The following PUM3 variants were observed in gnomAD, a reference collection of about 807,000 sequenced individuals.
PUM3 encodes the protein pumilio RNA binding family member 3.
Under a neutral mutation model 84.0 loss-of-function variants are expected in PUM3, and 91 were observed. The ratio of observed to expected loss-of-function variants is 1.08; its 90% CI spans 0.91 to 1.29. PUM3 has a LOEUF of 1.29. Among genes scored for constraint, PUM3 ranks in the 50% most tolerant of loss-of-function variants. PUM3 has a pLI of 0.00. For synonymous variants in PUM3, 321 were observed against 266.7 expected (o/e 1.20, Z -1.98); for missense variants, 1,067 against 767.5 (o/e 1.39, Z -4.61).
intron 10 of PUM3, 140 bp downstream of exon 10, chr9:2,826,933 G>A (rs1476558956): frequency 9.1e-6 from 6 of 656,896 alleles, no homozygotes; most frequent in Non-Finnish European, 1.6e-5. Flanking sequence ...GTGTTCAAAG[G>A]GAGTTGAGTA....
At position 2,842,460 on chromosome 9, in the gene PUM3, G is replaced by T. The variant is rs56842769; in HGVS notation, c.-11+1585C>A. ...CACCCCACTCATCACCACCACACAG[G>T]AGCCACTATTCTTATCAGAATAGTG... is the stretch of plus-strand genomic sequence containing the variant. On this transcript the variant is annotated intron_variant, in intron 1 of 17. Transcript: ENST00000397885. 9.2e-5 allele frequency among the ~76,000 whole-genome samples: 14 copies of T among 152,210 alleles called. No individual in the cohort carries two copies. In the East Asian group the frequency reaches 2.7e-3, roughly 29 times the overall value.
chr9:2,810,485 A>G, intron 15 of PUM3, 54 bp from the exon 16 acceptor site: 24 of 1,202,194 alleles, frequency 2.0e-5, no homozygotes, highest in Middle Eastern at 2.3e-4. Context: ...TCATACAAAT[A>G]CATTTGAATG....
At chr9:2,808,626 C>G (rs1207284772) in intron 16 of PUM3, among the ~76,000 whole-genome samples, 1 of 152,112 alleles carries the variant, frequency 6.6e-6, no homozygotes, top group Non-Finnish European at 1.5e-5. Flanking sequence ...TCAAAGATAC[C>G]TGAATGTAAG....
intron 13 of PUM3, among the ~76,000 whole-genome samples, chr9:2,816,518 T>A (rs920102839): frequency 3.3e-5 from 5 of 152,196 alleles, no homozygotes; most frequent in African/African-American, 1.2e-4. Context: ...TTATATGTAG[T>A]TTACCTCAAT....
In PUM3 at chr9:2,831,241, TAATA is replaced by T; in HGVS notation, c.610+6_610+9del. ...AAATGATAACATAATCTTTAGTATG[TAATA>T]AATACCTCGCAATTCTTCAAAAGCC... On this transcript the variant is annotated splice_donor_region_variant and intron_variant, in intron 6 of 17. Transcript: ENST00000397885. The T allele has an allele frequency of 6.6e-7, 1 of 1,520,740 alleles. No individual in the cohort carries two copies. Among genetic ancestry groups the T allele is most frequent in the African/African-American group, 1.4e-5 (1 of 72,946 alleles). 94.2% of individuals were successfully genotyped at this position (1,520,740 alleles called of 1,614,324 possible). A position where few individuals can be genotyped will look rare whatever the true frequency, so the allele number is the denominator to read the frequency against.
At chr9:2,821,800 A>G (rs570319722) in intron 12 of PUM3, among the ~76,000 whole-genome samples, 64 of 152,338 alleles carry the variant, frequency 4.2e-4, no homozygotes, top group African/African-American at 1.4e-3. Context: ...ACAAAGACTT[A>G]CATATGAATA....
intron 14 of PUM3, among the ~76,000 whole-genome samples, 156 bp from the exon 15 acceptor site, chr9:2,811,739 C>T (rs564524070): frequency 6.6e-6 from 1 of 150,980 alleles, no homozygotes; most frequent in Admixed American, 6.6e-5. Flanking sequence ...ATAAGTGATA[C>T]GAGTATGTGT....
chr9:2,823,995 A>G (rs1456238810), intron 11 of PUM3, among the ~76,000 whole-genome samples, 161 bp from the exon 12 acceptor site: 3 of 152,204 alleles, frequency 2.0e-5, no homozygotes, highest in East Asian at 1.9e-4. Context: ...AAACTGTAAT[A>G]TACCAAAGAA....
intron 1 of PUM3, 119 bp from the exon 2 acceptor site, chr9:2,838,636 C>T (rs1282731791): frequency 3.1e-6 from 2 of 637,942 alleles, no homozygotes; most frequent in Non-Finnish European, 2.8e-6. Flanking sequence ...ACAAATCAGC[C>T]AGATATAGAA....
At chr9:2,842,913 C>A (rs1035149354) in intron 1 of PUM3, among the ~76,000 whole-genome samples, 1 of 152,168 alleles carries the variant, frequency 6.6e-6, no homozygotes, top group African/African-American at 2.4e-5. Flanking sequence ...TACTTTACTG[C>A]TCAAGTAAGA....
chr9:2,839,787 G>C (rs1816221880), intron 1 of PUM3, among the ~76,000 whole-genome samples: 1 of 152,202 alleles, frequency 6.6e-6, no homozygotes, highest in African/African-American at 2.4e-5. Context: ...TACACCTGTA[G>C]TTTTCTAAGA....
At chr9:2,808,595 A>G (rs1044792230) in intron 16 of PUM3, among the ~76,000 whole-genome samples, 1 of 152,208 alleles carries the variant, frequency 6.6e-6, no homozygotes, top group Non-Finnish European at 1.5e-5. Context: ...ATAGTCAGGT[A>G]GCATGTACTA....
In PUM3 at chr9:2,824,768, T is replaced by A. The variant is rs1367643170; in HGVS notation, c.1083A>T (p.Thr361=). 6.3e-6 allele frequency: 10 copies of A among 1,589,676 alleles called. No individual in the cohort carries two copies. Among genetic ancestry groups the A allele is most frequent in the Non-Finnish European group, 8.6e-6 (10 of 1,164,528 alleles). Residue 361 remains threonine (T), a synonymous_variant, in exon 11 of 18, where the codon ACA becomes ACT. Coordinates refer to ENST00000397885, the MANE Select transcript of PUM3 (RefSeq NM_014878.5). ...IREAVVYLAH[T]HDGARVAMHC... ...GCATGGCCACTCTGGCGCCATCGTG[T>A]GTGTGTGCCAGGTAGACCACCGCTT... is the stretch of plus-strand genomic sequence containing the variant.
At chr9:2,834,190 C>G in intron 3 of PUM3, 24 bp from the exon 4 acceptor site, 1 of 1,596,962 alleles carries the variant, frequency 6.3e-7, no homozygotes, top group Non-Finnish European at 8.5e-7. Context: ...AAATTATTTT[C>G]AATTACATTT....
rs544580430 is a variant in PUM3 at position 2,812,069 on chromosome 9, T to C, written c.1412+151A>G. The stretch of plus-strand genomic sequence containing the variant: ...TATTTCCTTGTCAAGATAAAAACTT[T>C]AGAATCTGTCAAAAATATAGGCTTG... On this transcript the variant is annotated intron_variant, in intron 14 of 17. Coordinates refer to ENST00000397885, the MANE Select transcript of PUM3 (RefSeq NM_014878.5). 5.1e-4 allele frequency: 370 copies of C among 721,462 alleles called. 1 individual carries two copies. The highest frequency in any genetic ancestry group is 3.0e-3 in the African/African-American group (168 of 55,478). The allele number at this position is 721,462 out of a possible 1,614,324, so 44.7% of individuals were successfully genotyped here.
In PUM3 at chr9:2,811,350, T is replaced by C. The variant is rs895310998; in HGVS notation, c.1635+11A>G. The stretch of plus-strand genomic sequence containing the variant: ...TGCAGCTTTCCTGCCTGTGCTTTAA[T>C]GGCACATTACCTCTCCGTCCTTGCC... On this transcript the variant is annotated intron_variant, in intron 15 of 17. Transcript: ENST00000397885. 2 of 1,612,400 alleles carry C rather than the reference T, an allele frequency of 1.2e-6. No individual in the cohort carries two copies. Among genetic ancestry groups the C allele is most frequent in the African/African-American group, 1.3e-5 (1 of 75,028 alleles).
chr9:2,831,113 G>GC, intron 6 of PUM3, 85 bp from the exon 7 acceptor site: 2 of 991,458 alleles, frequency 2.0e-6, no homozygotes, highest in Non-Finnish European at 3.1e-6. Context: ...CCCAGGCAAG[G>GC]AAAAAATAAA....
At chr9:2,821,202 T>C (rs1821581249) in intron 12 of PUM3, among the ~76,000 whole-genome samples, 1 of 152,044 alleles carries the variant, frequency 6.6e-6, no homozygotes, top group African/African-American at 2.4e-5. Flanking sequence ...CCCAGCACTT[T>C]GGAAAGCTGA....
intron 8 of PUM3, among the ~76,000 whole-genome samples, chr9:2,829,245 G>C (rs916280287): frequency 6.6e-6 from 1 of 152,196 alleles, no homozygotes; most frequent in African/African-American, 2.4e-5. Flanking sequence ...ATGTTCCAAG[G>C]TTTGAAATAG....
Sources: gnomAD v4.1 joint callset for allele counts (sites outside exome capture counted in the v4.1 genomes callset) on GRCh38, gnomAD v4.1.1 for gene constraint, MANE v1.5 for transcripts, NCBI Gene and HGNC (gene_info 2026-07-23, HGNC 2026-07-21) for gene names.